The following GLT1D1 variants were observed in gnomAD, a reference collection of about 807,000 sequenced individuals.
GLT1D1 encodes glycosyltransferase 1 domain-containing protein 1.
A neutral mutation model predicts 28.7 loss-of-function variants in GLT1D1; 21 were observed. That is an observed-to-expected ratio of 0.73 (90% CI 0.52 to 1.05). The LOEUF (loss-of-function observed/expected upper bound fraction) is 1.05. Ranked by LOEUF, GLT1D1 falls within the 50% of genes least tolerant of loss-of-function variation. GLT1D1 has a pLI of 0.00. For synonymous variants in GLT1D1, 147 were observed against 124.8 expected (o/e 1.18, Z -1.19); for missense variants, 343 against 330.6 (o/e 1.04, Z -0.29).
intron 2 of GLT1D1, among the ~76,000 whole-genome samples, chr12:128,880,961 A>T (rs576708498): frequency 6.6e-6 from 1 of 152,226 alleles, no homozygotes; most frequent in South Asian, 2.1e-4. Flanking sequence ...GCGGTGGCTC[A>T]CGCCTGTAAT....
In GLT1D1 at chr12:128,944,156, A is replaced by T. The variant is rs565368391; in HGVS notation, c.376-1170A>T. ...AATCAAATCAGTAGAAATAAAAGTCATATAATTTTCAAAGAATTCATACAT... is the reference window on the plus strand; with the variant it reads ...AATCAAATCAGTAGAAATAAAAGTCTTATAATTTTCAAAGAATTCATACAT... On this transcript the variant is annotated intron_variant, in intron 4 of 7. Coordinates refer to ENST00000281703, the MANE Select transcript of GLT1D1 (RefSeq NM_144669.3). The T allele has an allele frequency of 2.9e-5, 10 of 342,038 alleles. 1 individual carries two copies. Among genetic ancestry groups the T allele is most frequent in the South Asian group, 2.6e-4 (10 of 39,018 alleles). The allele number at this position is 342,038 out of a possible 1,614,324, so 21.2% of individuals were successfully genotyped here. A position where few individuals can be genotyped will look rare whatever the true frequency, so the allele number is the denominator to read the frequency against.
In GLT1D1 at chr12:128,888,672, G is replaced by A; in HGVS notation, c.251G>A (p.Gly84Glu). 6.2e-7 allele frequency: 1 copy of A among 1,613,726 alleles called. No homozygotes were observed. The highest frequency in any genetic ancestry group is 8.5e-7 in the Non-Finnish European group (1 of 1,179,746). Residue 84 changes from glycine to glutamate, a missense_variant, in exon 3 of 8, where the codon GGA (glycine) becomes GAA (glutamate). By Grantham distance (98) the Gly-to-Glu change is moderately conservative. Transcript: ENST00000281703. The stretch of plus-strand genomic sequence containing the variant: ...ATCCCTTTTGGAGTCATCTTTGGTG[G>A]AACTGATGTAAATGAAGATGCCAAC...
intron 4 of GLT1D1, among the ~76,000 whole-genome samples, chr12:128,940,459 C>A (rs1358155020): frequency 6.6e-6 from 1 of 152,192 alleles, no homozygotes; most frequent in Non-Finnish European, 1.5e-5. Flanking sequence ...CGTTAATGTG[C>A]ATGAGGCTAG....
At position 128,947,437 on chromosome 12, in the gene GLT1D1, C is replaced by A; in HGVS notation, c.519C>A (p.Gly173=). The change falls in exon 6 of 8, where the codon GGC becomes GGA. Residue 173 remains glycine (G), a synonymous_variant. Transcript: ENST00000281703. ...TGGTGAATAGCTCTGTCTCTGAAGGCATGTCAGCTGCAATTTTGGAGGTAA... is the reference window on the plus strand; with the variant it reads ...TGGTGAATAGCTCTGTCTCTGAAGGAATGTCAGCTGCAATTTTGGAGGTAA... The A allele has an allele frequency of 2.5e-6, 4 of 1,614,152 alleles. No homozygotes were observed. The highest frequency in any genetic ancestry group is 3.4e-6 in the Non-Finnish European group (4 of 1,180,006).
At chr12:128,855,954 G>A (rs1398881298) in intron 1 of GLT1D1, among the ~76,000 whole-genome samples, 1 of 151,996 alleles carries the variant, frequency 6.6e-6, no homozygotes, top group African/African-American at 2.4e-5. Context: ...GTTTCACCAT[G>A]TTGGCCAGGC....
intron 3 of GLT1D1, among the ~76,000 whole-genome samples, chr12:128,894,904 C>T (rs1439159899): frequency 6.6e-6 from 1 of 150,658 alleles, no homozygotes; most frequent in Non-Finnish European, 1.5e-5. Flanking sequence ...ATAACATGGA[C>T]TCATAGATAT....
intron 1 of GLT1D1, among the ~76,000 whole-genome samples, chr12:128,870,719 C>T (rs974773071): frequency 3.9e-5 from 6 of 152,272 alleles, no homozygotes; most frequent in African/African-American, 7.2e-5. Context: ...AGGCTGGGCA[C>T]GGCGGCACAC....
chr12:128,936,311 C>T (rs548790958), intron 4 of GLT1D1, among the ~76,000 whole-genome samples: 5 of 152,060 alleles, frequency 3.3e-5, no homozygotes, highest in South Asian at 2.1e-4. Context: ...CCCGCCACCA[C>T]ACCCAGCTAA....
chr12:128,955,231 G>A (rs752371155), intron 6 of GLT1D1, among the ~76,000 whole-genome samples: 2 of 152,174 alleles, frequency 1.3e-5, no homozygotes, highest in Non-Finnish European at 2.9e-5. Context: ...GAATGGTACA[G>A]CAAATACCTG....
At chr12:128,901,815 A>C (rs867015075) in intron 4 of GLT1D1, among the ~76,000 whole-genome samples, 3 of 150,954 alleles carry the variant, frequency 2.0e-5, no homozygotes, top group Middle Eastern at 3.5e-3. Flanking sequence ...TGGTGCAATC[A>C]TGGCTCACTG....
Position 128,876,486 on chromosome 12 carries a change from G to GT in GLT1D1, c.217+434dup, listed in dbSNP as rs763433189. ...ACCATGTCCCCTAATTTAAATTTTT[G>GT]TTTTTTTTTTCAGGGATAGGGTTTC... On this transcript the variant is annotated intron_variant, in intron 2 of 7. Coordinates refer to ENST00000281703, the MANE Select transcript of GLT1D1 (RefSeq NM_144669.3). Among the ~76,000 whole-genome samples, 66 of 145,358 alleles carry GT rather than the reference G, an allele frequency of 4.5e-4. No individual in the cohort carries two copies. The Middle Eastern group carries it at 0.011, about 23-fold the overall frequency.
intron 7 of GLT1D1, among the ~76,000 whole-genome samples, chr12:128,959,007 T>G (rs1300335034): frequency 2.0e-5 from 3 of 151,300 alleles, no homozygotes; most frequent in Non-Finnish European, 1.5e-5. Flanking sequence ...CTGGCTAATT[T>G]TGTTTATTTT....
intron 4 of GLT1D1, chr12:128,944,504 T>C: frequency 9.8e-7 from 1 of 1,024,798 alleles, no homozygotes; most frequent in Admixed American, 1.7e-5. Context: ...AGAGCATCAA[T>C]GCCCACAGTT....
At chr12:128,924,455 C>A (rs552169297) in intron 4 of GLT1D1, among the ~76,000 whole-genome samples, 1 of 151,332 alleles carries the variant, frequency 6.6e-6, no homozygotes, top group South Asian at 2.1e-4. Context: ...AAAGAAAAAG[C>A]CTCTTTTATT....
At chr12:128,858,057 G>C (rs1373255947) in intron 1 of GLT1D1, among the ~76,000 whole-genome samples, 1 of 152,204 alleles carries the variant, frequency 6.6e-6, no homozygotes, top group Non-Finnish European at 1.5e-5. Flanking sequence ...AATATGGGTT[G>C]TGAATGGAAT....
intron 7 of GLT1D1, among the ~76,000 whole-genome samples, chr12:128,960,486 A>T (rs1877819952): frequency 6.6e-6 from 1 of 152,220 alleles, no homozygotes; most frequent in African/African-American, 2.4e-5. Context: ...GGCCGGGCAC[A>T]GTGGCTCGTG....
At chr12:128,926,921 T>C (rs1409465355) in intron 4 of GLT1D1, among the ~76,000 whole-genome samples, 184 bp from the exon 8 acceptor site, 3 of 152,338 alleles carry the variant, frequency 2.0e-5, no homozygotes, top group Non-Finnish European at 4.4e-5. Flanking sequence ...TCACTTAAAA[T>C]CATAAAATGT....
At chr12:128,871,129 T>G (rs1956676216) in intron 1 of GLT1D1, among the ~76,000 whole-genome samples, 1 of 152,234 alleles carries the variant, frequency 6.6e-6, no homozygotes, top group South Asian at 2.1e-4. Context: ...CCAAGTAGAA[T>G]TCAGCCCCTT....
In GLT1D1 at chr12:128,875,910, A is replaced by G. The variant is rs778240811; in HGVS notation, c.69-4A>G. On this transcript the variant is annotated splice_region_variant and splice_polypyrimidine_tract_variant and intron_variant, in intron 1 of 7. Transcript: ENST00000281703. ...TTCTCCTTTCTCTGTATTTTTTGATAAAGGGCCCATCTAGAGGCTGCAGGG... is the reference window on the plus strand; with the variant it reads ...TTCTCCTTTCTCTGTATTTTTTGATGAAGGGCCCATCTAGAGGCTGCAGGG... The G allele has an allele frequency of 6.2e-7, 1 of 1,609,788 alleles. No individual in the cohort carries two copies. Among genetic ancestry groups the G allele is most frequent in the African/African-American group, 1.3e-5 (1 of 74,504 alleles).
Sources: gnomAD v4.1 joint callset for allele counts (sites outside exome capture counted in the v4.1 genomes callset) on GRCh38, gnomAD v4.1.1 for gene constraint, MANE v1.5 for transcripts, NCBI Gene and HGNC (gene_info 2026-07-23, HGNC 2026-07-21) for gene names.